PTOV1: variants seen among roughly 807,000 people sequenced by gnomAD.
PTOV1 encodes PTOV1 extended AT-hook containing adaptor protein, also known as prostate tumor-overexpressed gene 1 protein.
In PTOV1, 20 loss-of-function variants were observed where a neutral mutation model predicts 58.0. The ratio of observed to expected loss-of-function variants is 0.34; its 90% CI spans 0.24 to 0.50. The LOEUF (loss-of-function observed/expected upper bound fraction) is 0.50. Ranked by LOEUF, PTOV1 falls within the 20% of genes least tolerant of loss-of-function variation. The pLI, the probability that PTOV1 is intolerant of heterozygous loss-of-function variation, is 0.98. For synonymous variants in PTOV1, 335 were observed against 234.2 expected (o/e 1.43, Z -3.93); for missense variants, 593 against 565.4 (o/e 1.05, Z -0.50).
At chr19:49,858,643 A>T in exon 10 of PTOV1, 1 of 1,598,764 alleles carries the variant, frequency 6.3e-7, no homozygotes, top group Non-Finnish European at 8.5e-7. Flanking sequence ...CGGATCATGG[A>T]CAATGGCTTC....
At chr19:49,860,381 TGGGGG>T in exon 12 of PTOV1, 1 of 321,190 alleles carries the variant, frequency 3.1e-6, no homozygotes. Flanking sequence ...CTGGGGCATG[TGGGGG>T]GGGTGGGGTT....
chr19:49,854,162 C>T (rs1447740496), intron 1 of PTOV1, among the ~76,000 whole-genome samples: 1 of 152,152 alleles, frequency 6.6e-6, no homozygotes, highest in Non-Finnish European at 1.5e-5. Context: ...CTCTGCTGGG[C>T]CAGTGTCAAG....
At chr19:49,857,009 G>T (rs775971094) in exon 6 of PTOV1, 1 of 1,613,782 alleles carries the variant, frequency 6.2e-7, no homozygotes, top group Non-Finnish European at 8.5e-7. Context: ...ATCTCCCCCT[G>T]TGAGGTGCGC....
chr19:49,853,945 C>T (rs1349969767), intron 1 of PTOV1, among the ~76,000 whole-genome samples: 1 of 152,254 alleles, frequency 6.6e-6, no homozygotes, highest in Admixed American at 6.5e-5. Context: ...AGGAGAGTTT[C>T]AGCCTGGGAA....
chr19:49,851,076 C>T (rs2074221613), upstream of PTOV1: 5 of 1,459,572 alleles, frequency 3.4e-6, no homozygotes, highest in South Asian at 6.8e-5. Context: ...CGCCCGGGCC[C>T]CGCTCCCCCG....
At chr19:49,854,318 TG>T in intron 1 of PTOV1, 87 bp from the exon 2 acceptor site, 6 of 1,502,856 alleles carry the variant, frequency 4.0e-6, no homozygotes, top group Non-Finnish European at 5.4e-6. Context: ...GGCTGAATAT[TG>T]GGACGTCCCC....
exon 12 of PTOV1, chr19:49,860,634 G>T (rs2074716685): frequency 2.2e-6 from 1 of 449,990 alleles, no homozygotes; most frequent in Admixed American, 4.0e-5. Context: ...TCTGAGCAGG[G>T]GCCCCTGGGG....
chr19:49,852,139 T>TG (rs1337642272), intron 1 of PTOV1: 1 of 933,642 alleles, frequency 1.1e-6, no homozygotes, highest in African/African-American at 1.8e-5. Flanking sequence ...AAGGTTTACC[T>TG]GGGGCTGTAA....
chr19:49,855,175 C>G, intron 5 of PTOV1, 98 bp downstream of exon 5: 2 of 1,241,394 alleles, frequency 1.6e-6, no homozygotes, highest in African/African-American at 1.5e-5. Flanking sequence ...GGGGTCTCCC[C>G]TGGGGCCGAG....
exon 7 of PTOV1, chr19:49,857,748 T>G: frequency 6.2e-7 from 1 of 1,614,118 alleles, no homozygotes; most frequent in South Asian, 1.1e-5. Flanking sequence ...AACAACAAGT[T>G]TCTGGCATGG....
chr19:49,852,657 T>C (rs1199326555), intron 1 of PTOV1: 2 of 152,230 alleles, frequency 1.3e-5, no homozygotes, highest in Non-Finnish European at 2.9e-5. Context: ...TGTTCTTTAC[T>C]ATGGCTCCAG....
chr19:49,857,705 G>A (rs1319768292), exon 7 of PTOV1: 1 of 1,614,064 alleles, frequency 6.2e-7, no homozygotes, highest in South Asian at 1.1e-5. Flanking sequence ...AGTGGGACCT[G>A]GTGGTGTCAA....
chr19:49,858,428 C>T, intron 9 of PTOV1, 121 bp from the exon 10 acceptor site: 1 of 790,688 alleles, frequency 1.3e-6, no homozygotes. Flanking sequence ...ATGACGTTTC[C>T]TGAGGTAGGG....
chr19:49,859,088 GTTTC>G (rs1405284557), intron 10 of PTOV1: 1 of 158,250 alleles, frequency 6.3e-6, no homozygotes, highest in Non-Finnish European at 1.4e-5. Flanking sequence ...CTCGGGCTCA[GTTTC>G]TCCATCTGTG....
At chr19:49,858,460 G>C (rs191580778) in intron 9 of PTOV1, 89 bp from the exon 10 acceptor site, 1 of 1,033,590 alleles carries the variant, frequency 9.7e-7, no homozygotes, top group East Asian at 2.6e-5. Context: ...GTCTCAGTTT[G>C]GTCCTGGGCC....
rs372015619 is a variant in PTOV1 at position 49,858,578 on chromosome 19, G to A, written c.966G>A (p.Ser322=). 1.7e-5 allele frequency: 28 copies of A among 1,604,950 alleles called. No homozygotes were observed. In the East Asian group the frequency reaches 2.0e-4, roughly 12 times the overall value. The change falls in exon 10 of 12, where the codon TCG becomes TCA. Residue 322 remains serine (S), a synonymous_variant. Coordinates refer to ENST00000391842, the Ensembl canonical transcript of PTOV1. ...CCCTAGTGCCGCTGTTCCGGAACTC[G>A]CGCCTGGTCCAGTTCCACTTCACCA...
chr19:49,850,993 T>G, upstream of PTOV1: 1 of 1,534,690 alleles, frequency 6.5e-7, no homozygotes, highest in African/African-American at 1.4e-5. Context: ...CCTGAAGTTG[T>G]GGCTCGCGCG....
At position 49,855,035 on chromosome 19, in the gene PTOV1, C is replaced by T. The variant is rs755594047; in HGVS notation, c.516C>T (p.Cys172=). ...AGTTCCACTTCACCAACAGAGACTGCGACTCGCTCAAGGGGCTCTGCCGCA... is the reference window on the plus strand; with the variant it reads ...AGTTCCACTTCACCAACAGAGACTGTGACTCGCTCAAGGGGCTCTGCCGCA... Residue 172 remains cysteine (C), a synonymous_variant, in exon 5 of 12, where the codon TGC becomes TGT. Coordinates refer to ENST00000391842, the Ensembl canonical transcript of PTOV1. 1.3e-5 allele frequency: 21 copies of T among 1,599,818 alleles called. No homozygotes were observed. Among genetic ancestry groups the T allele is most frequent in the East Asian group, 4.5e-5 (2 of 44,084 alleles).
intron 10 of PTOV1, among the ~76,000 whole-genome samples, chr19:49,859,596 A>G (rs1333356271): frequency 6.6e-6 from 1 of 151,242 alleles, no homozygotes; most frequent in Non-Finnish European, 1.5e-5. Flanking sequence ...AAGTTTCCTC[A>G]AGGAAACCCA....
Sources: gnomAD v4.1 joint callset for allele counts (sites outside exome capture counted in the v4.1 genomes callset) on GRCh38, gnomAD v4.1.1 for gene constraint, MANE v1.5 for transcripts, NCBI Gene and HGNC (gene_info 2026-07-23, HGNC 2026-07-21) for gene names.